Variants in CDH23 observed in about 807,000 individuals in gnomAD.
CDH23 encodes the protein cadherin-23.
In CDH23, 189 loss-of-function variants were observed where a neutral mutation model predicts 317.1. That is an observed-to-expected ratio of 0.60 (90% CI 0.53 to 0.67). CDH23 has a LOEUF of 0.67. Among genes scored for constraint, CDH23 ranks in the 30% least tolerant of loss-of-function variants. The pLI is 0.00. For synonymous variants in CDH23, 1,839 were observed against 1,876.8 expected (o/e 0.98, Z 0.52); for missense variants, 4,401 against 4,592.4 (o/e 0.96, Z 1.20).
At chr10:71,631,099 G>C (rs1383759965) in intron 11 of CDH23, among the ~76,000 whole-genome samples, 1 of 152,134 alleles carries the variant, frequency 6.6e-6, no homozygotes, top group African/African-American at 2.4e-5. Flanking sequence ...TTCAAAATTA[G>C]CTAGGCATGG....
At chr10:71,455,255 C>T (rs1425799795) in intron 3 of CDH23, among the ~76,000 whole-genome samples, 2 of 152,134 alleles carry the variant, frequency 1.3e-5, no homozygotes, top group Admixed American at 1.3e-4. Context: ...ATGTTCACAT[C>T]TTGCATAACC....
chr10:71,671,730 G>A (rs1485952455), intron 14 of CDH23, among the ~76,000 whole-genome samples: 2 of 152,146 alleles, frequency 1.3e-5, no homozygotes, highest in South Asian at 2.1e-4. Flanking sequence ...CAGCATCTGG[G>A]GGGCTGCTCT....
chr10:71,515,080 G>T (rs1373547523), intron 6 of CDH23, among the ~76,000 whole-genome samples: 3 of 152,210 alleles, frequency 2.0e-5, no homozygotes, highest in Non-Finnish European at 4.4e-5. Flanking sequence ...TGGTGCTGGG[G>T]TGTTTAGGCA....
At chr10:71,573,031 C>A (rs888812645) in intron 8 of CDH23, among the ~76,000 whole-genome samples, 1 of 152,342 alleles carries the variant, frequency 6.6e-6, no homozygotes, top group East Asian at 1.9e-4. Context: ...ATCAAACGGC[C>A]TCCTGACCAG....
intron 1 of CDH23, 59 bp from the exon 2 acceptor site, chr10:71,439,768 A>G: frequency 7.8e-7 from 1 of 1,282,224 alleles, no homozygotes; most frequent in Non-Finnish European, 1.1e-6. Context: ...GGGGCTGAGG[A>G]GCAGACCCTC....
intron 24 of CDH23, among the ~76,000 whole-genome samples, chr10:71,703,124 T>C (rs990977189): frequency 6.6e-6 from 1 of 152,190 alleles, no homozygotes. Context: ...TTTGCAGGGC[T>C]CTAAAGAGAC....
intron 3 of CDH23, among the ~76,000 whole-genome samples, chr10:71,452,311 G>T (rs540512631): frequency 6.6e-6 from 1 of 152,138 alleles, no homozygotes; most frequent in African/African-American, 2.4e-5. Context: ...ATGCCCTGGA[G>T]GGGGGCAGGG....
intron 3 of CDH23, among the ~76,000 whole-genome samples, chr10:71,471,081 G>A (rs1348322039): frequency 1.3e-5 from 2 of 152,178 alleles, no homozygotes; most frequent in African/African-American, 4.8e-5. Context: ...CTCCCAGTCT[G>A]TGGCTTGTCT....
chr10:71,410,411 T>TGG (rs1346857644), intron 1 of CDH23, among the ~76,000 whole-genome samples: 1 of 152,094 alleles, frequency 6.6e-6, no homozygotes, highest in Non-Finnish European at 1.5e-5. Context: ...GGCTGCAGCT[T>TGG]TGCTCTATGC....
intron 36 of CDH23, among the ~76,000 whole-genome samples, chr10:71,740,167 G>C (rs558820400): frequency 6.6e-6 from 1 of 152,352 alleles, no homozygotes; most frequent in Non-Finnish European, 1.5e-5. Context: ...CGTCTGGCCT[G>C]CCCTGTGGAG....
At position 71,475,604 on chromosome 10, in the gene CDH23, G is replaced by A. The variant is rs181467019; in HGVS notation, c.145+29209G>A. The stretch of plus-strand genomic sequence containing the variant: ...CCAAGGTCTGTCATCCTGTATGCCC[G>A]CGTGACAATTGAAAACAGTGTGAGG... On this transcript the variant is annotated intron_variant, in intron 3 of 69. Transcript: ENST00000224721. Among the ~76,000 whole-genome samples, 149 of 152,328 alleles carry A rather than the reference G, an allele frequency of 9.8e-4. 1 individual carries two copies. Among genetic ancestry groups the A allele is most frequent in the African/African-American group, 3.3e-3 (139 of 41,570 alleles).
chr10:71,492,630 A>G (rs1460952902), intron 3 of CDH23, among the ~76,000 whole-genome samples: 1 of 152,048 alleles, frequency 6.6e-6, no homozygotes, highest in African/African-American at 2.4e-5. Context: ...TTTTTCATTC[A>G]TCCATTCATC....
intron 18 of CDH23, among the ~76,000 whole-genome samples, chr10:71,685,643 A>G (rs886242340): frequency 6.6e-6 from 1 of 152,188 alleles, no homozygotes; most frequent in Non-Finnish European, 1.5e-5. Flanking sequence ...CCTCAAAGCC[A>G]TCCCAGGGAC....
Position 71,751,906 on chromosome 10 carries a change from G to C in CDH23, c.4845+9985G>C, listed in dbSNP as rs369048655. On this transcript the variant is annotated intron_variant, in intron 38 of 69. Coordinates refer to ENST00000224721, the MANE Select transcript of CDH23 (RefSeq NM_022124.6). The surrounding 1 kb of genome is among the most constrained non-coding windows in gnomAD (Gnocchi z 4.9). ...GAAGGTCATCTGTGCTGTCCGGAGC[G>C]TGAACTCTGCCCTCCCTGCCCCCAG... 4 of 1,527,602 alleles carry C rather than the reference G, an allele frequency of 2.6e-6. No homozygotes were observed. Among genetic ancestry groups the C allele is most frequent in the Non-Finnish European group, 3.5e-6 (4 of 1,129,778 alleles). The allele number at this position is 1,527,602 out of a possible 1,614,324, so 94.6% of individuals were successfully genotyped here.
chr10:71,757,142 T>C (rs957108930), intron 38 of CDH23, among the ~76,000 whole-genome samples: 1 of 152,208 alleles, frequency 6.6e-6, no homozygotes, highest in Non-Finnish European at 1.5e-5. Context: ...GTGGGCAATA[T>C]TTGAGAAGCC....
In CDH23 at chr10:71,803,371, G is replaced by A. The variant is rs202052174; in HGVS notation, c.7823G>A (p.Arg2608His). Residue 2608 changes from arginine to histidine, a missense_variant, in exon 55 of 70, where the codon CGC (arginine) becomes CAC (histidine). Around this residue, in one of 3 missense-constraint regions of CDH23, gnomAD observed 1,144 missense variants for 1,138.2 expected, o/e 1.01. Transcript: ENST00000224721. ...LVEVIDVNDN[R>H]PVFVRPPNGT... ...GAGGTCATCGACGTCAATGACAACCGCCCTGTCTTTGTGCGCCCACCCAAC... is the reference window on the plus strand; with the variant it reads ...GAGGTCATCGACGTCAATGACAACCACCCTGTCTTTGTGCGCCCACCCAAC... 6.9e-4 allele frequency: 1,098 copies of A among 1,600,450 alleles called. 1 individual carries two copies. Among genetic ancestry groups the A allele is most frequent in the Middle Eastern group, 1.2e-3 (7 of 6,046 alleles).
chr10:71,577,938 G>T lies in CDH23; in HGVS notation c.778G>T (p.Ala260Ser), dbSNP rs373294595. 43 of 1,604,420 alleles carry T rather than the reference G, an allele frequency of 2.7e-5. No homozygotes were observed. The highest frequency in any genetic ancestry group is 3.4e-5 in the Non-Finnish European group (40 of 1,175,728). ...GGGCACGACGGTGCGCATCATCACC[G>T]CCATAGACCAGGATAAAGGACGTCC... ...PPGTTVRIIT[A>S]IDQDKGRPRG... The change falls in exon 9 of 70, where the codon GCC (alanine) becomes TCC (serine). Residue 260 changes from alanine to serine, a missense_variant. By Grantham distance (99) the Ala-to-Ser change is moderately conservative. This residue lies in a region of CDH23 where 3,068 missense variants were observed against 3,203.3 expected (regional missense o/e 0.96). Transcript: ENST00000224721.
intron 61 of CDH23, 104 bp from the exon 62 acceptor site, chr10:71,810,368 G>A (rs1453310898): frequency 2.8e-6 from 3 of 1,052,792 alleles, no homozygotes; most frequent in African/African-American, 3.1e-5. Flanking sequence ...GTAGTGAAGG[G>A]TCTATTTGCA....
intron 25 of CDH23, among the ~76,000 whole-genome samples, chr10:71,706,521 C>T (rs935406993): frequency 3.9e-5 from 6 of 152,210 alleles, no homozygotes; most frequent in Admixed American, 2.0e-4. Flanking sequence ...GGGCTTGGCA[C>T]GCTGGACAAG....
Sources: allele counts gnomAD v4.1 joint callset (sites outside exome capture counted in the v4.1 genomes callset), GRCh38; gene constraint gnomAD v4.1.1; regional missense constraint gnomAD v4.1.1; non-coding constraint Gnocchi (gnomAD v3.1); transcripts MANE v1.5; gene names NCBI Gene and HGNC (gene_info 2026-07-23, HGNC 2026-07-21).